TASP1: variants seen among roughly 807,000 people sequenced by gnomAD.
The protein encoded by TASP1 is taspase 1.
In TASP1, 16 loss-of-function variants were observed where a neutral mutation model predicts 56.6. That is an observed-to-expected ratio of 0.28 (90% CI 0.19 to 0.43). The LOEUF is 0.43. TASP1 is among the 20% of genes least tolerant of loss of function. The pLI is 1.00. For missense variants in TASP1, 393 were observed against 511.6 expected, an observed-to-expected ratio of 0.77 and a Z score of 2.24; for synonymous variants, 179 against 184.2, an observed-to-expected ratio of 0.97 and a Z score of 0.23.
At chr20:13,170,465 C>A in the TASP1 span, among the ~76,000 whole-genome samples, 1 of 152,118 alleles carries the variant, frequency 6.6e-6, no homozygotes, top group Non-Finnish European at 1.5e-5. Context: ...TTCATTGCAT[C>A]CTGTGGTCCA....
chr20:13,355,467 C>T, the TASP1 span, among the ~76,000 whole-genome samples: 1 of 152,198 alleles, frequency 6.6e-6, no homozygotes, highest in African/African-American at 2.4e-5. Context: ...AAGCTCCACC[C>T]TCTCCTTTGG....
At chr20:13,473,835 G>A (rs903204177) in intron 11 of TASP1, among the ~76,000 whole-genome samples, 2 of 152,148 alleles carry the variant, frequency 1.3e-5, no homozygotes, top group Non-Finnish European at 2.9e-5. Flanking sequence ...CATTTTGGGA[G>A]GTAAAAGCAG....
At chr20:13,555,807 T>C in intron 8 of TASP1, among the ~76,000 whole-genome samples, 1 of 152,224 alleles carries the variant, frequency 6.6e-6, no homozygotes, top group East Asian at 1.9e-4. Flanking sequence ...GGAATCACTA[T>C]CTATGGCAGC....
chr20:13,455,022 G>A (rs1371074447), intron 11 of TASP1, among the ~76,000 whole-genome samples: 1 of 152,054 alleles, frequency 6.6e-6, no homozygotes, highest in Non-Finnish European at 1.5e-5. Flanking sequence ...ACATGTCTAG[G>A]AGCCTTGGGC....
intron 10 of TASP1, among the ~76,000 whole-genome samples, chr20:13,495,990 T>C (rs2043709270): frequency 6.6e-6 from 1 of 152,120 alleles, no homozygotes; most frequent in Admixed American, 6.6e-5. Flanking sequence ...TGGCTATAAT[T>C]TTATTTAAAA....
chr20:13,301,596 A>G, the TASP1 span, among the ~76,000 whole-genome samples: 1 of 152,230 alleles, frequency 6.6e-6, no homozygotes, highest in Non-Finnish European at 1.5e-5. Flanking sequence ...ACTTATTCAC[A>G]TCTGAAGCAA....
chr20:13,158,333 T>C, the TASP1 span, among the ~76,000 whole-genome samples: 5,867 of 152,208 alleles, frequency 0.039, 163 homozygotes, highest in African/African-American at 0.081. Context: ...GCTTTAGTAG[T>C]GTAAGGTTTA....
At chr20:13,378,176 T>C in the TASP1 span, among the ~76,000 whole-genome samples, 18 of 152,210 alleles carry the variant, frequency 1.2e-4, no homozygotes, top group Non-Finnish European at 2.6e-4. Flanking sequence ...AGGGTGTCGA[T>C]TTTAGATCTT....
chr20:13,256,258 T>G, the TASP1 span, among the ~76,000 whole-genome samples: 5 of 151,918 alleles, frequency 3.3e-5, no homozygotes, highest in Non-Finnish European at 7.4e-5. Flanking sequence ...TAGCCAGGCG[T>G]GGTGGCGGGT....
chr20:13,306,564 C>CAAAAAGAAAAAAAAAAAAAGA, the TASP1 span, among the ~76,000 whole-genome samples: 1 of 63,914 alleles, frequency 1.6e-5, no homozygotes. Flanking sequence ...GGAGAAAGGA[C>CAAAAAGAAAAAAAAAAAAAGA]AAAAAAAAAA....
At chr20:13,341,943 T>C in the TASP1 span, among the ~76,000 whole-genome samples, 42,222 of 152,134 alleles carry the variant, frequency 0.28, 9,437 homozygotes, top group African/African-American at 0.62. Context: ...TGGTTCACTT[T>C]GTGGTCACAA....
At chr20:13,107,071 G>A in the TASP1 span, among the ~76,000 whole-genome samples, 1 of 152,158 alleles carries the variant, frequency 6.6e-6, no homozygotes, top group African/African-American at 2.4e-5. Flanking sequence ...TCTAAAAAAT[G>A]GTAAGAAAAA....
the TASP1 span, among the ~76,000 whole-genome samples, chr20:13,184,245 A>T: frequency 6.6e-6 from 1 of 152,170 alleles, no homozygotes; most frequent in Non-Finnish European, 1.5e-5. Flanking sequence ...AGAACAAAAG[A>T]GAAGAATACA....
chr20:13,244,713 T>C, the TASP1 span, among the ~76,000 whole-genome samples: 3 of 152,354 alleles, frequency 2.0e-5, no homozygotes, highest in South Asian at 6.2e-4. Context: ...ACATTTTCTA[T>C]TGAGAAGACA....
chr20:13,295,368 C>T, the TASP1 span, among the ~76,000 whole-genome samples: 1 of 152,186 alleles, frequency 6.6e-6, no homozygotes, highest in Non-Finnish European at 1.5e-5. Context: ...CTAAACTGAA[C>T]AAGATTGCCA....
chr20:13,399,525 G>A (rs2041660877), intron 13 of TASP1, among the ~76,000 whole-genome samples: 1 of 152,098 alleles, frequency 6.6e-6, no homozygotes, highest in Non-Finnish European at 1.5e-5. Flanking sequence ...AAAATCTTAA[G>A]AGTCATCATT....
the TASP1 span, among the ~76,000 whole-genome samples, chr20:13,157,251 A>G: frequency 7.0e-6 from 1 of 142,528 alleles, no homozygotes; most frequent in East Asian, 2.1e-4. Flanking sequence ...CAGCCTGGCC[A>G]ACCCTGTTTC....
intron 11 of TASP1, among the ~76,000 whole-genome samples, chr20:13,453,635 A>G (rs1432237099): frequency 6.6e-6 from 1 of 152,132 alleles, no homozygotes; most frequent in East Asian, 1.9e-4. Flanking sequence ...CATGGATAGC[A>G]TCATTAATTT....
chr20:13,360,381 G>A, the TASP1 span, among the ~76,000 whole-genome samples: 1 of 150,492 alleles, frequency 6.6e-6, no homozygotes, highest in African/African-American at 2.5e-5. Flanking sequence ...TACCTATCTC[G>A]GCATAATTCT....
Sources: gnomAD v4.1 joint callset for allele counts (sites outside exome capture counted in the v4.1 genomes callset) on GRCh38, gnomAD v4.1.1 for gene constraint, MANE v1.5 for transcripts, NCBI Gene and HGNC (gene_info 2026-07-23, HGNC 2026-07-21) for gene names.